The following G3BP1 variants were observed in gnomAD, a reference collection of about 807,000 sequenced individuals.
G3BP1 encodes G3BP stress granule assembly factor 1.
In G3BP1, 35 loss-of-function variants were observed where a neutral mutation model predicts 58.6. The observed-to-expected ratio is 0.60, with a 90% CI of 0.46 to 0.79. G3BP1 has a LOEUF of 0.79. G3BP1 is among the 30% of genes least tolerant of loss of function. The probability of loss-of-function intolerance (pLI) is 0.00; values close to 1 mark genes in which losing one functional copy is unlikely to be tolerated. For missense variants in G3BP1, 523 were observed against 580.8 expected, an observed-to-expected ratio of 0.90 and a Z score of 1.02; for synonymous variants, 191 against 195.4, an observed-to-expected ratio of 0.98 and a Z score of 0.19.
In G3BP1 at chr5:151,773,483, A is replaced by G. The variant is rs1341112256; in HGVS notation, c.-50+1447A>G. Among the ~76,000 whole-genome samples the G allele has an allele frequency of 2.0e-5, 3 of 152,214 alleles. No homozygotes were observed. In the East Asian group the frequency reaches 5.8e-4, roughly 29 times the overall value. On this transcript the variant is annotated intron_variant, in intron 1 of 11. Transcript: ENST00000356245. ...TTTACTCTGCTGGGTTCTTGTGTAT[A>G]TGCAGAAACAAGATGCTTTTCTTCA...
chr5:151,788,010 G>A (rs1201903295), intron 2 of G3BP1, among the ~76,000 whole-genome samples: 1 of 151,678 alleles, frequency 6.6e-6, no homozygotes, highest in Non-Finnish European at 1.5e-5. Context: ...CTGCAGCCTT[G>A]AACTCTTGGG....
intron 1 of G3BP1, among the ~76,000 whole-genome samples, chr5:151,776,253 G>A (rs1227689713): frequency 1.3e-5 from 2 of 152,198 alleles, no homozygotes; most frequent in Non-Finnish European, 2.9e-5. Flanking sequence ...CAGATTGGGG[G>A]TCCATAATAT....
chr5:151,790,783 A>G, intron 3 of G3BP1, 106 bp from the exon 4 acceptor site: 1 of 661,818 alleles, frequency 1.5e-6, no homozygotes, highest in Non-Finnish European at 2.6e-6. Context: ...TAATTTAAAT[A>G]TACACATTCT....
At chr5:151,802,551 G>A (rs929469424) in intron 11 of G3BP1, among the ~76,000 whole-genome samples, 1 of 152,200 alleles carries the variant, frequency 6.6e-6, no homozygotes, top group East Asian at 1.9e-4. Context: ...CATGGGACAA[G>A]TTACTTAACC....
chr5:151,802,878 A>C (rs990027056), intron 11 of G3BP1, among the ~76,000 whole-genome samples: 2 of 152,176 alleles, frequency 1.3e-5, no homozygotes, highest in African/African-American at 4.8e-5. Flanking sequence ...GCTTGCAGTG[A>C]GCCGAGATCG....
rs1265406283 is a variant in G3BP1 at position 151,774,086 on chromosome 5, A to G, written c.-50+2050A>G. ...TTGTGCATTTATCAGGAACAAGTGA[A>G]TTGAAGCAAATTGTGGTAATGTAAG... On this transcript the variant is annotated intron_variant, in intron 1 of 11. Coordinates refer to ENST00000356245, the MANE Select transcript of G3BP1 (RefSeq NM_005754.3). Among the ~76,000 whole-genome samples the G allele has an allele frequency of 2.0e-5, 3 of 152,228 alleles. No homozygotes were observed. In the East Asian group the frequency reaches 5.8e-4, roughly 29 times the overall value.
At position 151,812,141 on chromosome 5, in the gene G3BP1, A is replaced by C. The variant is rs550182125; in HGVS notation, c.*8050A>C. On this transcript the variant is annotated 3_prime_UTR_variant, in exon 12 of 12. Coordinates refer to ENST00000356245, the MANE Select transcript of G3BP1 (RefSeq NM_005754.3). ...GCTAAGCACATTTTCTACATCCCCA[A>C]AGTATTTGGAATCACAGCATTGTAA... 1 of 152,116 alleles carries C rather than the reference A, an allele frequency of 6.6e-6. No individual in the cohort carries two copies. Among genetic ancestry groups the C allele is most frequent in the Non-Finnish European group, 1.5e-5 (1 of 68,022 alleles). 9.4% of individuals were successfully genotyped at this position (152,116 alleles called of 1,614,324 possible). A position where few individuals can be genotyped will look rare whatever the true frequency, so the allele number is the denominator to read the frequency against.
Position 151,800,744 on chromosome 5 carries a change from T to C in G3BP1, c.1085-16T>C, listed in dbSNP as rs1454701976. On this transcript the variant is annotated splice_polypyrimidine_tract_variant and intron_variant, in intron 10 of 11. Transcript: ENST00000356245. ...AATGGTCTAAGTAGTTATCTGAGAA[T>C]GTGTTTCACTTGCAGGTTATGGAAA... 2.8e-6 allele frequency: 4 copies of C among 1,429,530 alleles called. No individual in the cohort carries two copies. Among genetic ancestry groups the C allele is most frequent in the African/African-American group, 1.4e-5 (1 of 71,434 alleles). 88.6% of individuals were successfully genotyped at this position (1,429,530 alleles called of 1,614,324 possible).
chr5:151,800,681 C>A, intron 10 of G3BP1, 79 bp from the exon 11 acceptor site: 1 of 853,622 alleles, frequency 1.2e-6, no homozygotes, highest in Non-Finnish European at 2.0e-6. Flanking sequence ...CATCTAGTGG[C>A]TACTGTATTG....
chr5:151,777,947 A>G (rs1278593002), intron 1 of G3BP1, among the ~76,000 whole-genome samples: 1 of 148,194 alleles, frequency 6.7e-6, no homozygotes, highest in East Asian at 1.9e-4. Context: ...GCTCAGTGCT[A>G]GTCTGTTGTG....
chr5:151,790,718 G>C (rs114790837), intron 3 of G3BP1, among the ~76,000 whole-genome samples, 171 bp from the exon 4 acceptor site: 59 of 152,070 alleles, frequency 3.9e-4, no homozygotes, highest in African/African-American at 1.4e-3. Flanking sequence ...ACTCAAGCGC[G>C]GTCACTGGGA....
chr5:151,780,619 TCTC>T (rs1314648588), intron 1 of G3BP1, among the ~76,000 whole-genome samples: 6 of 152,298 alleles, frequency 3.9e-5, no homozygotes, highest in Middle Eastern at 3.4e-3. Context: ...TTCACTCTGT[TCTC>T]CTGCCTCAGC....
chr5:151,802,044 T>A (rs1369812123), intron 11 of G3BP1, among the ~76,000 whole-genome samples: 2 of 152,194 alleles, frequency 1.3e-5, no homozygotes, highest in Non-Finnish European at 2.9e-5. Flanking sequence ...CTCGAACTCC[T>A]GACCTCAGGT....
Position 151,797,211 on chromosome 5 carries a change from A to G in G3BP1, c.540-16A>G. The G allele has an allele frequency of 3.1e-6, 5 of 1,612,050 alleles. No individual in the cohort carries two copies. Among genetic ancestry groups the G allele is most frequent in the Non-Finnish European group, 4.2e-6 (5 of 1,178,910 alleles). ...AATGGTGGCAGAATGATATTTCTCAAATTTTCCTGTCAAAGTAATGACATG... is the reference window on the plus strand; with the variant it reads ...AATGGTGGCAGAATGATATTTCTCAGATTTTCCTGTCAAAGTAATGACATG... On this transcript the variant is annotated splice_polypyrimidine_tract_variant and intron_variant, in intron 6 of 11. Coordinates refer to ENST00000356245, the MANE Select transcript of G3BP1 (RefSeq NM_005754.3).
intron 11 of G3BP1, among the ~76,000 whole-genome samples, chr5:151,803,544 G>C (rs1762892155): frequency 6.6e-6 from 1 of 151,900 alleles, no homozygotes; most frequent in Non-Finnish European, 1.5e-5. Flanking sequence ...CCAGACTGGA[G>C]TACAATGGCG....
At chr5:151,791,281 A>C (rs1054822953) in intron 4 of G3BP1, 1 of 408,046 alleles carries the variant, frequency 2.5e-6, no homozygotes, top group Non-Finnish European at 4.5e-6. Context: ...GCATTTCCTA[A>C]GAATAATTCT....
At chr5:151,790,228 T>C in intron 2 of G3BP1, 95 bp from the exon 3 acceptor site, 1 of 576,410 alleles carries the variant, frequency 1.7e-6, no homozygotes, top group East Asian at 3.5e-5. Context: ...GAGACCCCGT[T>C]GCAAAAAAAA....
intron 6 of G3BP1, among the ~76,000 whole-genome samples, chr5:151,796,176 A>G (rs1488095334): frequency 6.6e-6 from 1 of 152,176 alleles, no homozygotes; most frequent in Non-Finnish European, 1.5e-5. Context: ...TAATCAGGTT[A>G]CTCACTTGGG....
chr5:151,803,651 G>A (rs11954396), intron 11 of G3BP1, among the ~76,000 whole-genome samples: 19,810 of 151,998 alleles, frequency 0.13, 1,404 homozygotes, highest in African/African-American at 0.16. Flanking sequence ...GTGTCACCAT[G>A]TCTGGCTAAT....
Sources: allele counts gnomAD v4.1 joint callset (sites outside exome capture counted in the v4.1 genomes callset), GRCh38; gene constraint gnomAD v4.1.1; transcripts MANE v1.5; gene names NCBI Gene and HGNC (gene_info 2026-07-23, HGNC 2026-07-21).